The following FAT2 variants were observed in gnomAD, a reference collection of about 807,000 sequenced individuals.
FAT2 encodes protocadherin Fat 2.
In FAT2, 150 loss-of-function variants were observed where a neutral mutation model predicts 295.3. The ratio of observed to expected loss-of-function variants is 0.51; its 90% CI spans 0.44 to 0.58. FAT2 has a LOEUF of 0.58. FAT2 is among the 20% of genes least tolerant of loss of function. The pLI is 0.00. For synonymous variants in FAT2, 2,026 were observed against 2,150.3 expected (o/e 0.94, Z 1.60); for missense variants, 4,868 against 5,442.7 (o/e 0.89, Z 3.32).
Position 151,544,039 on chromosome 5 carries a change from G to T in FAT2, c.7088C>A (p.Thr2363Asn), listed in dbSNP as rs958921789. 9.9e-6 allele frequency: 16 copies of T among 1,614,054 alleles called. No homozygotes were observed. The African/African-American group carries it at 2.0e-4, about 20-fold the overall frequency. Residue 2363 changes from threonine to asparagine, a missense_variant, in exon 10 of 24, where the codon ACC becomes AAC. This residue lies in a region of FAT2 where 3,297 missense variants were observed against 3,669.4 expected (regional missense o/e 0.90). Transcript: ENST00000261800. ...DKGDPPLTGE[T>N]LVVVNVSDIN... ...ATCAGACACATTGACAACCACAAGG[G>T]TTTCACCAGTGAGTGGGGGATCTCC...
intron 22 of FAT2, among the ~76,000 whole-genome samples, chr5:151,507,825 C>G (rs1342865533): frequency 6.6e-6 from 1 of 152,162 alleles, no homozygotes; most frequent in Non-Finnish European, 1.5e-5. Context: ...CATTTGTGAC[C>G]ATTAGGATCT....
Position 151,565,886 on chromosome 5 carries a change from C to T in FAT2, c.3046G>A (p.Val1016Met). The T allele has an allele frequency of 6.2e-7, 1 of 1,614,056 alleles. No individual in the cohort carries two copies. The highest frequency in any genetic ancestry group is 1.7e-5 in the Admixed American group (1 of 60,034). Reference protein sequence around the residue: ...RPLARRTLCHVEVIVLDVNEN... With the variant: ...RPLARRTLCHMEVIVLDVNEN... ...TTCACATCCAGGACGATCACCTCCA[C>T]ATGGCAGAGAGTCCTGCGGGCTAGG... The change falls in exon 2 of 24, where the codon GTG becomes ATG. Residue 1016 changes from valine (V) to methionine (M), a missense_variant. By Grantham distance (21) the Val-to-Met change is conservative (BLOSUM62 1). This residue lies in a region of FAT2 where 3,297 missense variants were observed against 3,669.4 expected (regional missense o/e 0.90). Coordinates refer to ENST00000261800, the MANE Select transcript of FAT2 (RefSeq NM_001447.3).
At chr5:151,583,310 A>T (rs778416132) in intron 1 of FAT2, among the ~76,000 whole-genome samples, 20 of 152,228 alleles carry the variant, frequency 1.3e-4, no homozygotes, top group Admixed American at 2.6e-4. Flanking sequence ...GGCTATCAAG[A>T]GCAGAATGGA....
intron 8 of FAT2, 74 bp downstream of exon 8, chr5:151,550,516 C>T (rs1298362821): frequency 2.0e-6 from 3 of 1,509,840 alleles, no homozygotes; most frequent in Non-Finnish European, 2.7e-6. Context: ...GGACCTTCAG[C>T]ATGTCTCCAA....
intron 9 of FAT2, among the ~76,000 whole-genome samples, chr5:151,547,942 G>A (rs1288871538): frequency 6.6e-6 from 1 of 152,128 alleles, no homozygotes; most frequent in African/African-American, 2.4e-5. Context: ...ATGAGCATGT[G>A]TTACTTCTAT....
In FAT2 at chr5:151,544,907, G is replaced by A. The variant is rs140390303; in HGVS notation, c.6220C>T (p.Pro2074Ser). Reference protein sequence around the residue: ...NDNPPKFKHLPYYTIIQDGTE... With the variant: ...NDNPPKFKHLSYYTIIQDGTE... ...CCATCTTGGATGATTGTGTAATAGG[G>A]CAGATGCTTAAATTTGGGGGGATTG... The change falls in exon 10 of 24, where the codon CCC becomes TCC. Residue 2074 changes from proline to serine, a missense_variant. Pro to Ser is a moderately conservative substitution (Grantham distance 74). This residue lies in a region of FAT2 where 3,297 missense variants were observed against 3,669.4 expected (regional missense o/e 0.90). Transcript: ENST00000261800. 6 of 1,613,940 alleles carry A rather than the reference G, an allele frequency of 3.7e-6. No homozygotes were observed. The African/African-American group carries it at 8.0e-5, about 22-fold the overall frequency.
At chr5:151,554,795 T>C in intron 4 of FAT2, 122 bp from the exon 5 acceptor site, 1 of 759,100 alleles carries the variant, frequency 1.3e-6, no homozygotes, top group South Asian at 1.8e-5. Context: ...TTTATTATCA[T>C]AACTTCACCT....
intron 12 of FAT2, 91 bp downstream of exon 12, chr5:151,537,702 T>TG (rs1755597224): frequency 7.6e-7 from 1 of 1,308,664 alleles, no homozygotes; most frequent in African/African-American, 1.5e-5. Context: ...AGTGAATTCC[T>TG]GTTTCTTCTC....
At chr5:151,576,010 C>A (rs908571340) in intron 1 of FAT2, among the ~76,000 whole-genome samples, 1 of 152,154 alleles carries the variant, frequency 6.6e-6, no homozygotes, top group African/African-American at 2.4e-5. Context: ...AAGAGCACGG[C>A]ATAGGAACCA....
In FAT2 at chr5:151,568,176, C is replaced by T. The variant is rs752546556; in HGVS notation, c.756G>A (p.Lys252=). ...CCACCACCGAAGCAATGGCTGGGGG[C>T]TTCCTGAGGGCAGGCTCCACATGAA... ...LVVHVEPALR[K]PPAIASVVVT... Residue 252 remains lysine (K), a synonymous_variant, in exon 2 of 24, where the codon AAG becomes AAA. Transcript: ENST00000261800. 2.7e-5 allele frequency: 44 copies of T among 1,613,918 alleles called. No individual in the cohort carries two copies. Among genetic ancestry groups the T allele is most frequent in the Middle Eastern group, 1.6e-4 (1 of 6,078 alleles).
chr5:151,592,509 A>G (rs553319460), upstream of FAT2, among the ~76,000 whole-genome samples: 2 of 152,192 alleles, frequency 1.3e-5, no homozygotes, highest in Non-Finnish European at 2.9e-5. Flanking sequence ...CTCTAATTAC[A>G]AGAAGCTTAT....
intron 20 of FAT2, among the ~76,000 whole-genome samples, chr5:151,515,090 T>C (rs372762558): frequency 2.7e-4 from 41 of 152,222 alleles, no homozygotes; most frequent in African/African-American, 7.2e-4. Flanking sequence ...ACGGAAACCA[T>C]TGGTGTCAGG....
chr5:151,577,238 G>A (rs559782305), intron 1 of FAT2, among the ~76,000 whole-genome samples: 3 of 152,240 alleles, frequency 2.0e-5, no homozygotes, highest in Non-Finnish European at 4.4e-5. Flanking sequence ...TATGACCCTG[G>A]AGAAATGAAT....
intron 12 of FAT2, 117 bp downstream of exon 12, chr5:151,537,676 T>C: frequency 1.0e-6 from 1 of 998,152 alleles, no homozygotes; most frequent in Non-Finnish European, 1.5e-6. Flanking sequence ...GGCCAATATA[T>C]GTTTGCTGAT....
intron 11 of FAT2, among the ~76,000 whole-genome samples, chr5:151,538,843 A>ATTTT (rs535453451): frequency 1.4e-5 from 2 of 143,848 alleles, no homozygotes; most frequent in African/African-American, 5.1e-5. Context: ...CACCTGGCTA[A>ATTTT]TTTTTTTTTT....
At chr5:151,510,340 CA>C (rs1761225356) in intron 21 of FAT2, 166 bp from the exon 22 acceptor site, 2 of 711,066 alleles carry the variant, frequency 2.8e-6, no homozygotes, top group East Asian at 5.5e-5. Flanking sequence ...CCTGCTGAAC[CA>C]AGAGCACTTT....
At position 151,568,338 on chromosome 5, in the gene FAT2, G is replaced by C. The variant is rs757079379; in HGVS notation, c.594C>G (p.Pro198=). 9.4e-5 allele frequency: 152 copies of C among 1,614,050 alleles called. No individual in the cohort carries two copies. The highest frequency in any genetic ancestry group is 1.2e-4 in the Non-Finnish European group (141 of 1,180,026). The change falls in exon 2 of 24, where the codon CCC becomes CCG. Residue 198 remains proline, a synonymous_variant. Coordinates refer to ENST00000261800, the MANE Select transcript of FAT2 (RefSeq NM_001447.3). ...NTRSEMFAIH[P]TSGVVTVAGK... is the part of the protein sequence containing the mutation. ...CAGCCACAGTGACCACACCGCTGGTGGGATGGATGGCAAACATCTCTGACC... is the reference window on the plus strand; with the variant it reads ...CAGCCACAGTGACCACACCGCTGGTCGGATGGATGGCAAACATCTCTGACC...
rs6862535 is a variant in FAT2, at chr5:151,586,155, C to G, written c.-21+5010G>C. 7.7e-3 allele frequency among the ~76,000 whole-genome samples: 1,177 copies of G among 152,330 alleles called. 14 individuals carry two copies. Among genetic ancestry groups the G allele is most frequent in the African/African-American group, 0.025 (1,050 of 41,562 alleles). ...GGGGAGAGGATGCTGCAGGGACAGG[C>G]AGCAGCTCTGACACTGGACACGTGA... is the stretch of plus-strand genomic sequence containing the variant. On this transcript the variant is annotated intron_variant, in intron 1 of 23. Transcript: ENST00000261800.
At chr5:151,591,916 A>G (rs1692763508), upstream of FAT2, among the ~76,000 whole-genome samples, 1 of 152,230 alleles carries the variant, frequency 6.6e-6, no homozygotes, top group East Asian at 1.9e-4. Flanking sequence ...AGTCCCCCAT[A>G]AAAGGTAATT....
Sources: allele counts gnomAD v4.1 joint callset (sites outside exome capture counted in the v4.1 genomes callset), GRCh38; gene constraint gnomAD v4.1.1; regional missense constraint gnomAD v4.1.1; transcripts MANE v1.5; gene names NCBI Gene and HGNC (gene_info 2026-07-23, HGNC 2026-07-21).